ENAH: variants seen among roughly 807,000 people sequenced by gnomAD.
The protein encoded by ENAH is ENAH actin regulator, also known as protein enabled homolog.
ENAH carries 23 observed loss-of-function variants against 78.7 expected under a neutral mutation model. The ratio of observed to expected loss-of-function variants is 0.29; its 90% CI spans 0.21 to 0.41. The LOEUF is 0.41. Among genes scored for constraint, ENAH ranks in the 10% least tolerant of loss-of-function variants. ENAH has a pLI of 1.00. For missense variants in ENAH, 544 were observed against 691.0 expected (o/e 0.79, Z 2.39); for synonymous variants, 226 against 241.0 (o/e 0.94, Z 0.58).
In ENAH at chr1:225,514,449, G is replaced by A. The variant is rs1271535534; in HGVS notation, c.1218+147C>T. 2.8e-5 allele frequency: 21 copies of A among 747,588 alleles called. 1 individual carries two copies. The Admixed American group carries it at 3.2e-4, about 11-fold the overall frequency. The allele number at this position is 747,588 out of a possible 1,614,324, so 46.3% of individuals were successfully genotyped here. ...CAAAGTGCAGGGATTATACAGGTAT[G>A]AGCCATTGCGCCAGGGTAAATTATT... On this transcript the variant is annotated intron_variant, in intron 7 of 13. Transcript: ENST00000366843.
upstream of ENAH, among the ~76,000 whole-genome samples, chr1:225,653,444 AGTTGTCGGCCG>A (rs1663442836): frequency 1.2e-5 from 1 of 83,468 alleles, no homozygotes; most frequent in Non-Finnish European, 2.2e-5. The surrounding 1 kb of genome is among the most constrained non-coding windows in gnomAD (Gnocchi z 4.3). Context: ...ACCTCCGGCC[AGTTGTCGGCCG>A]GGGTTCCTCG....
chr1:225,504,861 A>T, intron 11 of ENAH: 1 of 512,000 alleles, frequency 2.0e-6, no homozygotes, highest in Non-Finnish European at 3.4e-6. Flanking sequence ...CAGAATTTTT[A>T]AAAGGTATTC....
At chr1:225,519,671 T>C (rs991427358) in intron 4 of ENAH, 106 bp from the exon 5 acceptor site, 6 of 1,475,642 alleles carry the variant, frequency 4.1e-6, no homozygotes, top group African/African-American at 1.4e-5. Flanking sequence ...ATAAAAGCAA[T>C]GTAGAGCATG....
Position 225,649,697 on chromosome 1 carries a change from T to C in ENAH, c.5+2989A>G, listed in dbSNP as rs187386374. ...CAAAATATTAACAAGTAAATCTATA[T>C]ACTGCATTTTACTCAAATGCCTATG... On this transcript the variant is annotated intron_variant, in intron 1 of 13. Transcript: ENST00000366843. Among the ~76,000 whole-genome samples, 512 of 152,310 alleles carry C rather than the reference T, an allele frequency of 3.4e-3. 3 individuals carry two copies. Among genetic ancestry groups the C allele is most frequent in the Non-Finnish European group, 3.1e-3 (211 of 68,022 alleles).
intron 1 of ENAH, among the ~76,000 whole-genome samples, chr1:225,611,582 A>T (rs553217430): frequency 6.6e-6 from 1 of 152,264 alleles, no homozygotes; most frequent in Non-Finnish European, 1.5e-5. Context: ...AGCCTCCCAA[A>T]GTGCTGGGAT....
chr1:225,640,679 A>T (rs1012373341), intron 1 of ENAH, among the ~76,000 whole-genome samples: 2 of 152,162 alleles, frequency 1.3e-5, no homozygotes, highest in African/African-American at 4.8e-5. Context: ...TCTGTGGCTT[A>T]ATTTCCTCAT....
intron 1 of ENAH, among the ~76,000 whole-genome samples, chr1:225,599,340 G>A (rs968603321): frequency 2.6e-5 from 4 of 152,138 alleles, no homozygotes; most frequent in African/African-American, 7.2e-5. Flanking sequence ...AAATATCATT[G>A]GGAAATCTAA....
At chr1:225,649,064 G>C (rs1477210311) in intron 1 of ENAH, among the ~76,000 whole-genome samples, 3 of 152,084 alleles carry the variant, frequency 2.0e-5, no homozygotes, top group Admixed American at 1.3e-4. Context: ...AACAGGAGGA[G>C]TAACATAAAT....
chr1:225,561,398 C>G (rs1238421337), intron 2 of ENAH, among the ~76,000 whole-genome samples: 1 of 151,670 alleles, frequency 6.6e-6, no homozygotes. Context: ...CGGAGGCAAG[C>G]AGATCATGAG....
rs1268676646 is a variant in ENAH, at chr1:225,583,099, C to G, written c.6-15685G>C. Among the ~76,000 whole-genome samples the G allele has an allele frequency of 2.6e-5, 4 of 152,028 alleles. No individual in the cohort carries two copies. The South Asian group carries it at 6.2e-4, about 24-fold the overall frequency. The stretch of plus-strand genomic sequence containing the variant: ...AAGCTGCCAATCTAGAATTCCATAT[C>G]CAGGGAAAATATTCTTTAAAAATGA... On this transcript the variant is annotated intron_variant, in intron 1 of 13. Coordinates refer to ENST00000366843, the MANE Select transcript of ENAH (RefSeq NM_018212.6).
chr1:225,558,759 G>A (rs372526574), intron 2 of ENAH, among the ~76,000 whole-genome samples: 3 of 142,426 alleles, frequency 2.1e-5, no homozygotes, highest in Non-Finnish European at 4.5e-5. Context: ...TCAGCCTCCC[G>A]AGTAGCTGGG....
At chr1:225,630,726 A>T (rs907636564) in intron 1 of ENAH, among the ~76,000 whole-genome samples, 2 of 152,228 alleles carry the variant, frequency 1.3e-5, no homozygotes, top group Non-Finnish European at 2.9e-5. Context: ...GTTCCTATTT[A>T]AAAAACTTTA....
At chr1:225,549,849 T>C (rs934421803) in intron 3 of ENAH, among the ~76,000 whole-genome samples, 2 of 152,206 alleles carry the variant, frequency 1.3e-5, no homozygotes, top group African/African-American at 4.8e-5. Flanking sequence ...CTCTCTACTT[T>C]GTCAGTTCAG....
intron 1 of ENAH, among the ~76,000 whole-genome samples, chr1:225,606,048 T>A (rs1025648978): frequency 6.6e-6 from 1 of 152,210 alleles, no homozygotes; most frequent in East Asian, 1.9e-4. Context: ...TTTATTATTA[T>A]TTTTTAATGT....
At chr1:225,641,848 CT>C (rs1661117498) in intron 1 of ENAH, among the ~76,000 whole-genome samples, 1 of 152,066 alleles carries the variant, frequency 6.6e-6, no homozygotes, top group African/African-American at 2.4e-5. Context: ...TGGTGAAACC[CT>C]GTCTCTACTA....
intron 1 of ENAH, among the ~76,000 whole-genome samples, chr1:225,582,494 T>C (rs1259007071): frequency 1.3e-5 from 2 of 152,212 alleles, no homozygotes; most frequent in Non-Finnish European, 2.9e-5. Flanking sequence ...CTGTGCTACA[T>C]GGGAGAGCTA....
chr1:225,594,273 G>A (rs1024434322), intron 1 of ENAH, among the ~76,000 whole-genome samples: 2 of 151,970 alleles, frequency 1.3e-5, no homozygotes, highest in African/African-American at 4.8e-5. Flanking sequence ...CTCAGTTTTG[G>A]GGAAATTTCA....
rs2096250697 is a variant in ENAH, at chr1:225,496,560, G to A, written c.*1215C>T. ...TAGGTAATAATAACTGCCAAATTCA[G>A]TGATCAAACTTTTGAGTTCCACAGT... On this transcript the variant is annotated 3_prime_UTR_variant, in exon 14 of 14. Coordinates refer to ENST00000366843, the MANE Select transcript of ENAH (RefSeq NM_018212.6). 1 of 152,660 alleles carries A rather than the reference G, an allele frequency of 6.6e-6. No individual in the cohort carries two copies. Among genetic ancestry groups the A allele is most frequent in the African/African-American group, 2.4e-5 (1 of 41,464 alleles). 9.5% of individuals were successfully genotyped at this position (152,660 alleles called of 1,614,324 possible).
At chr1:225,633,421 A>T (rs186018877) in intron 1 of ENAH, among the ~76,000 whole-genome samples, 1 of 152,114 alleles carries the variant, frequency 6.6e-6, no homozygotes, top group Non-Finnish European at 1.5e-5. Context: ...CACAAACTCC[A>T]ACATGAGACT....
Sources: allele counts gnomAD v4.1 joint callset (sites outside exome capture counted in the v4.1 genomes callset), GRCh38; gene constraint gnomAD v4.1.1; non-coding constraint Gnocchi (gnomAD v3.1); transcripts MANE v1.5; gene names NCBI Gene and HGNC (gene_info 2026-07-23, HGNC 2026-07-21).